The following A1CF variants were observed in gnomAD, a reference collection of about 807,000 sequenced individuals.
A1CF encodes APOBEC1 complementation factor.
A1CF carries 48 observed loss-of-function variants against 68.9 expected under a neutral mutation model. That is an observed-to-expected ratio of 0.70 (90% CI 0.55 to 0.89). A1CF has a LOEUF of 0.89. Ranked by LOEUF, A1CF falls within the 40% of genes least tolerant of loss-of-function variation. The probability of loss-of-function intolerance (pLI) is 0.00; values close to 1 mark genes in which losing one functional copy is unlikely to be tolerated. For missense variants in A1CF, 653 were observed against 718.9 expected (o/e 0.91, Z 1.05); for synonymous variants, 272 against 260.4 (o/e 1.04, Z -0.43).
At chr10:50,873,756 C>T (rs756935632) in intron 1 of A1CF, among the ~76,000 whole-genome samples, 2 of 151,860 alleles carry the variant, frequency 1.3e-5, no homozygotes, top group African/African-American at 4.8e-5. Flanking sequence ...TATATACCAT[C>T]CTATATGGAA....
chr10:50,837,923 T>G (rs1363833258), intron 5 of A1CF, among the ~76,000 whole-genome samples: 1 of 152,212 alleles, frequency 6.6e-6, no homozygotes, highest in Non-Finnish European at 1.5e-5. Flanking sequence ...ATTAAAAATG[T>G]TTAGAAAAAT....
In A1CF at chr10:50,801,245, A is replaced by G. The variant is rs1412769775; in HGVS notation, c.*5484T>C. On this transcript the variant is annotated 3_prime_UTR_variant, in exon 13 of 13. Coordinates refer to ENST00000373997, the MANE Select transcript of A1CF (RefSeq NM_014576.4). ...GAGATTTCAGAGGAGGAAGTGATCCATTCTTCTCTGTTTACTATGACCCTG... is the reference window on the plus strand; with the variant it reads ...GAGATTTCAGAGGAGGAAGTGATCCGTTCTTCTCTGTTTACTATGACCCTG... The G allele has an allele frequency of 6.6e-6, 1 of 152,232 alleles. No homozygotes were observed. 9.4% of individuals were successfully genotyped at this position (152,232 alleles called of 1,614,324 possible). A position where few individuals can be genotyped will look rare whatever the true frequency, so the allele number is the denominator to read the frequency against.
intron 1 of A1CF, among the ~76,000 whole-genome samples, chr10:50,873,032 T>C (rs1197098242): frequency 7.2e-6 from 1 of 138,464 alleles, no homozygotes. Flanking sequence ...CTCAGCTCAC[T>C]GCAACTTTCT....
rs1397167083 is a variant in A1CF, at chr10:50,799,824, G to A, written c.*6905C>T. The A allele has an allele frequency of 6.6e-6, 1 of 152,008 alleles. No homozygotes were observed. The highest frequency in any genetic ancestry group is 1.5e-5 in the Non-Finnish European group (1 of 67,948). 9.4% of individuals were successfully genotyped at this position (152,008 alleles called of 1,614,324 possible). ...AGCTTGCTTTTCATTAAGATATAGG[G>A]AATAACAATATCGGGCTGTATTGCA... On this transcript the variant is annotated 3_prime_UTR_variant, in exon 13 of 13. Transcript: ENST00000373997.
Position 50,850,760 on chromosome 10 carries a change from G to C in A1CF, c.100-6638C>G, listed in dbSNP as rs149647072. 5.0e-6 allele frequency: 8 copies of C among 1,613,938 alleles called. No homozygotes were observed. The African/African-American group carries it at 1.1e-4, about 22-fold the overall frequency. ...GTGCTCATGCTCGCTTCTGGCTCTG[G>C]GCATGTGCCCAGACACACTGCTTCC... On this transcript the variant is annotated intron_variant, in intron 3 of 12. Transcript: ENST00000373997.
Position 50,804,487 on chromosome 10 carries a change from G to C in A1CF, c.*2242C>G, listed in dbSNP as rs1837735386. The C allele has an allele frequency of 6.6e-6, 1 of 152,186 alleles. No homozygotes were observed. Among genetic ancestry groups the C allele is most frequent in the African/African-American group, 2.4e-5 (1 of 41,446 alleles). The allele number at this position is 152,186 out of a possible 1,614,324, so 9.4% of individuals were successfully genotyped here. A position where few individuals can be genotyped will look rare whatever the true frequency, so the allele number is the denominator to read the frequency against. Reference sequence around the variant, plus strand: ...AACTTTTGCTCCTAGAATTTGGAATGCTTTTTAGACTCAGTAGAAATTTGC... The same window carrying C: ...AACTTTTGCTCCTAGAATTTGGAATCCTTTTTAGACTCAGTAGAAATTTGC... On this transcript the variant is annotated 3_prime_UTR_variant, in exon 13 of 13. Transcript: ENST00000373997.
intron 7 of A1CF, among the ~76,000 whole-genome samples, chr10:50,822,070 T>A (rs910465936): frequency 3.3e-5 from 5 of 152,202 alleles, no homozygotes; most frequent in African/African-American, 1.2e-4. Context: ...ATATTTGGTA[T>A]TTTACAAATA....
chr10:50,875,373 A>T (rs1841462050), intron 1 of A1CF, among the ~76,000 whole-genome samples: 1 of 152,172 alleles, frequency 6.6e-6, no homozygotes, highest in South Asian at 2.1e-4. Context: ...TATTTATATG[A>T]CCACTGCATG....
chr10:50,849,764 TAGTG>T (rs981438535), intron 3 of A1CF, among the ~76,000 whole-genome samples: 3 of 150,698 alleles, frequency 2.0e-5, no homozygotes, highest in African/African-American at 7.3e-5. Flanking sequence ...CGACTAAAAA[TAGTG>T]AGTTGATTTA....
chr10:50,867,840 A>G (rs185070431), intron 1 of A1CF, among the ~76,000 whole-genome samples: 1 of 152,342 alleles, frequency 6.6e-6, no homozygotes, highest in African/African-American at 2.4e-5. Flanking sequence ...TAATATCTGC[A>G]ACGTGGTAGA....
chr10:50,871,713 C>A (rs1841275100), intron 1 of A1CF, among the ~76,000 whole-genome samples: 1 of 151,888 alleles, frequency 6.6e-6, no homozygotes, highest in African/African-American at 2.4e-5. Context: ...ATAGGGGGAT[C>A]ATAAACAATT....
At position 50,805,059 on chromosome 10, in the gene A1CF, T is replaced by C. The variant is rs1837758906; in HGVS notation, c.*1670A>G. On this transcript the variant is annotated 3_prime_UTR_variant, in exon 13 of 13. Transcript: ENST00000373997. The stretch of plus-strand genomic sequence containing the variant: ...GCCTTTCAGAGTTTCAGCTGTAGCC[T>C]TGGAGGCTTTGTTATCTCATTGGAG... 1 of 152,228 alleles carries C rather than the reference T, an allele frequency of 6.6e-6. No individual in the cohort carries two copies. Among genetic ancestry groups the C allele is most frequent in the African/African-American group, 2.4e-5 (1 of 41,462 alleles). The allele number at this position is 152,228 out of a possible 1,614,324, so 9.4% of individuals were successfully genotyped here.
intron 1 of A1CF, among the ~76,000 whole-genome samples, chr10:50,881,933 A>C (rs1164880193): frequency 6.6e-6 from 1 of 152,242 alleles, no homozygotes; most frequent in East Asian, 1.9e-4. Flanking sequence ...TATATGCATA[A>C]AACTCCACAT....
At chr10:50,814,529 T>C (rs530274057) in intron 9 of A1CF, among the ~76,000 whole-genome samples, 5 of 152,338 alleles carry the variant, frequency 3.3e-5, no homozygotes, top group South Asian at 4.1e-4. Context: ...CAATGACTTA[T>C]TGTAAAACAA....
chr10:50,878,566 T>C (rs1051817894), intron 1 of A1CF, among the ~76,000 whole-genome samples: 1 of 152,218 alleles, frequency 6.6e-6, no homozygotes, highest in African/African-American at 2.4e-5. Flanking sequence ...TCTCCCACTC[T>C]GCTATGCCAA....
intron 7 of A1CF, chr10:50,823,483 A>T (rs1392185562): frequency 6.6e-6 from 1 of 152,186 alleles, no homozygotes; most frequent in Non-Finnish European, 1.5e-5. Flanking sequence ...AAACCTGAGG[A>T]GAAACACACC....
rs1837835134 is a variant in A1CF at position 50,806,717 on chromosome 10, A to T, written c.*12T>A. On this transcript the variant is annotated 3_prime_UTR_variant, in exon 13 of 13. Coordinates refer to ENST00000373997, the MANE Select transcript of A1CF (RefSeq NM_014576.4). ...TTTTGTGTGTCTTATTCTTAAATTT[A>T]AAAAAGCATCTTCAGAAGGTGCCAT... 6.4e-7 allele frequency: 1 copy of T among 1,568,764 alleles called. No individual in the cohort carries two copies. The highest frequency in any genetic ancestry group is 8.6e-7 in the Non-Finnish European group (1 of 1,162,860).
At position 50,828,706 on chromosome 10, in the gene A1CF, A is replaced by G. The variant is rs1839090276; in HGVS notation, c.605-411T>C. Reference sequence around the variant, plus strand: ...TCCACAGAACATTAAGAAGGTTACTAGGAAGAGCATTTACTGCTGCTGGAA... The same window carrying G: ...TCCACAGAACATTAAGAAGGTTACTGGGAAGAGCATTTACTGCTGCTGGAA... On this transcript the variant is annotated intron_variant, in intron 6 of 12. Coordinates refer to ENST00000373997, the MANE Select transcript of A1CF (RefSeq NM_014576.4). Among the ~76,000 whole-genome samples, 8 of 152,278 alleles carry G rather than the reference A, an allele frequency of 5.3e-5. No homozygotes were observed. In the South Asian group the frequency reaches 1.5e-3, roughly 28 times the overall value.
In A1CF at chr10:50,805,520, T is replaced by A. The variant is rs370866633; in HGVS notation, c.*1209A>T. The A allele has an allele frequency of 3.6e-4, 55 of 152,338 alleles. No homozygotes were observed. Among genetic ancestry groups the A allele is most frequent in the African/African-American group, 1.3e-3 (54 of 41,588 alleles). The allele number at this position is 152,338 out of a possible 1,614,324, so 9.4% of individuals were successfully genotyped here. A position where few individuals can be genotyped will look rare whatever the true frequency, so the allele number is the denominator to read the frequency against. ...GGGGGAATTTGGTAAATAACACCCA[T>A]GCTGATTGTCTGAAACAGTTTCTAA... On this transcript the variant is annotated 3_prime_UTR_variant, in exon 13 of 13. Coordinates refer to ENST00000373997, the MANE Select transcript of A1CF (RefSeq NM_014576.4).
Sources: allele counts gnomAD v4.1 joint callset (sites outside exome capture counted in the v4.1 genomes callset), GRCh38; gene constraint gnomAD v4.1.1; transcripts MANE v1.5; gene names NCBI Gene and HGNC (gene_info 2026-07-23, HGNC 2026-07-21).